Variants in NTRK3 observed in about 807,000 individuals in gnomAD.
NTRK3 encodes NT-3 growth factor receptor.
A neutral mutation model predicts 91.7 loss-of-function variants in NTRK3; 24 were observed. That is an observed-to-expected ratio of 0.26 (90% CI 0.19 to 0.37). NTRK3 has a LOEUF of 0.37. Ranked by LOEUF, NTRK3 falls within the 10% of genes least tolerant of loss-of-function variation. NTRK3 has a pLI of 1.00. For missense variants in NTRK3, 880 were observed against 1,068.9 expected (o/e 0.82, Z 2.46); for synonymous variants, 483 against 404.0 (o/e 1.20, Z -2.34).
At chr15:88,222,027 C>T (rs2050279685) in intron 3 of NTRK3, among the ~76,000 whole-genome samples, 1 of 152,154 alleles carries the variant, frequency 6.6e-6, no homozygotes, top group Non-Finnish European at 1.5e-5. Context: ...AAGCATACCT[C>T]AAAGCATGAG....
Position 88,022,650 on chromosome 15 carries a change from C to T in NTRK3, c.1585+10207G>A, listed in dbSNP as rs184138904. On this transcript the variant is annotated intron_variant, in intron 14 of 18. Coordinates refer to ENST00000394480, the Ensembl canonical transcript of NTRK3. ...AGAAAGGACCCACTCCATATTCTGC[C>T]CACCTTCAGCTTTTGGGTGCAGCTT... 2.0e-4 allele frequency among the ~76,000 whole-genome samples: 30 copies of T among 152,258 alleles called. 1 individual carries two copies. In the East Asian group the frequency reaches 5.6e-3, roughly 28 times the overall value.
intron 5 of NTRK3, among the ~76,000 whole-genome samples, chr15:88,150,225 C>T (rs2043248245): frequency 6.6e-6 from 1 of 152,166 alleles, no homozygotes; most frequent in African/African-American, 2.4e-5. Flanking sequence ...CAGCCCTGCC[C>T]ATCTCAGAGG....
At chr15:88,185,631 C>T (rs1358898570) in intron 3 of NTRK3, among the ~76,000 whole-genome samples, 2 of 152,176 alleles carry the variant, frequency 1.3e-5, no homozygotes, top group Admixed American at 6.5e-5. Flanking sequence ...ATTCTAAGTA[C>T]TTCAATCTTA....
At chr15:88,114,006 C>G (rs116016189) in intron 13 of NTRK3, among the ~76,000 whole-genome samples, 1,617 of 140,282 alleles carry the variant, frequency 0.012, 37 homozygotes, top group African/African-American at 0.039. Context: ...TTAATCAGTA[C>G]CCCCCCCACC....
chr15:88,247,671 C>T (rs1254562303), intron 3 of NTRK3, among the ~76,000 whole-genome samples: 1 of 152,164 alleles, frequency 6.6e-6, no homozygotes, highest in African/African-American at 2.4e-5. Context: ...AGGCCAGTGG[C>T]TGAGCGATCA....
chr15:88,214,812 G>A (rs550002700), intron 3 of NTRK3, among the ~76,000 whole-genome samples: 3 of 152,238 alleles, frequency 2.0e-5, no homozygotes, highest in South Asian at 4.2e-4. Context: ...TCCCATAACC[G>A]GCTGGGCACA....
chr15:88,091,840 T>C (rs553062533), intron 13 of NTRK3, among the ~76,000 whole-genome samples: 4 of 152,344 alleles, frequency 2.6e-5, no homozygotes, highest in African/African-American at 9.6e-5. Flanking sequence ...TCCCCAAGAT[T>C]ATGAGCAATT....
At chr15:87,891,214 T>C (rs1489475890) in intron 17 of NTRK3, among the ~76,000 whole-genome samples, 2 of 152,172 alleles carry the variant, frequency 1.3e-5, no homozygotes, top group African/African-American at 2.4e-5. Flanking sequence ...GCTCTTTCTG[T>C]CCTTAGAATC....
At chr15:88,183,004 T>G (rs1308832126) in intron 5 of NTRK3, among the ~76,000 whole-genome samples, 3 of 150,926 alleles carry the variant, frequency 2.0e-5, no homozygotes, top group Non-Finnish European at 4.4e-5. Context: ...ACTTTCTTTC[T>G]TCTTGCAACC....
intron 14 of NTRK3, among the ~76,000 whole-genome samples, chr15:87,970,796 C>G (rs1005181070): frequency 3.3e-5 from 5 of 152,124 alleles, no homozygotes; most frequent in African/African-American, 7.2e-5. Context: ...CATCATTTGT[C>G]TAGTAACTGG....
At chr15:88,225,907 A>AATG (rs1166865228) in intron 3 of NTRK3, among the ~76,000 whole-genome samples, 1 of 152,162 alleles carries the variant, frequency 6.6e-6, no homozygotes, top group African/African-American at 2.4e-5. Context: ...CTACCTAGAC[A>AATG]TGCACAGCCT....
intron 3 of NTRK3, among the ~76,000 whole-genome samples, chr15:88,192,940 T>C (rs1394913796): frequency 6.6e-6 from 1 of 152,126 alleles, no homozygotes; most frequent in Non-Finnish European, 1.5e-5. Flanking sequence ...TTAATAACCA[T>C]CTGTAATTGT....
At chr15:88,165,725 T>C (rs563683255) in intron 5 of NTRK3, among the ~76,000 whole-genome samples, 4 of 152,350 alleles carry the variant, frequency 2.6e-5, no homozygotes, top group Admixed American at 1.3e-4. Flanking sequence ...AGCAATTCAA[T>C]AATCCATGGC....
chr15:88,148,995 A>G (rs1449951489), intron 5 of NTRK3, among the ~76,000 whole-genome samples: 1 of 152,194 alleles, frequency 6.6e-6, no homozygotes, highest in Non-Finnish European at 1.5e-5. Flanking sequence ...AGGCGATGGG[A>G]TAGAGACCTT....
intron 13 of NTRK3, among the ~76,000 whole-genome samples, chr15:88,057,905 G>A (rs1042386578): frequency 3.3e-5 from 5 of 152,176 alleles, no homozygotes; most frequent in African/African-American, 7.2e-5. Context: ...CTGATGATAC[G>A]CTGGGAGATG....
chr15:87,929,448 G>A lies in NTRK3; in HGVS notation c.1890-14C>T, dbSNP rs1233425501. 6.2e-7 allele frequency: 1 copy of A among 1,613,044 alleles called. No individual in the cohort carries two copies. Among genetic ancestry groups the A allele is most frequent in the African/African-American group, 1.3e-5 (1 of 74,922 alleles). ...GGCCCATGGGCCCTGCAAGAGCATG[G>A]GGAGAAGAGAGGGGGCAGAGAGAAA... On this transcript the variant is annotated splice_polypyrimidine_tract_variant and intron_variant, in intron 16 of 18. Coordinates refer to ENST00000394480, the Ensembl canonical transcript of NTRK3.
exon 19 of NTRK3, chr15:87,876,779 T>C: frequency 1.4e-6 from 1 of 734,996 alleles, no homozygotes; most frequent in Non-Finnish European, 2.2e-6. Context: ...CTTTCTTTTT[T>C]TTTCCTTTTT....
chr15:88,127,681 GCCCT>G (rs2053435686), intron 11 of NTRK3, among the ~76,000 whole-genome samples: 1 of 152,104 alleles, frequency 6.6e-6, no homozygotes, highest in South Asian at 2.1e-4. Context: ...CCTTTCCTGT[GCCCT>G]CCCTCTTTCC....
intron 14 of NTRK3, among the ~76,000 whole-genome samples, chr15:88,006,242 C>T (rs747738076): frequency 2.0e-5 from 3 of 152,222 alleles, no homozygotes; most frequent in South Asian, 4.1e-4. Flanking sequence ...CTTTTCTCTC[C>T]TTCTCTTCCA....
Sources: allele counts gnomAD v4.1 joint callset (sites outside exome capture counted in the v4.1 genomes callset), GRCh38; gene constraint gnomAD v4.1.1; transcripts MANE v1.5; gene names NCBI Gene and HGNC (gene_info 2026-07-23, HGNC 2026-07-21).